IGSF3: variants seen among roughly 807,000 people sequenced by gnomAD.
IGSF3 encodes immunoglobulin superfamily member 3, also known as glu-Trp-Ile EWI motif-containing protein 3.
In IGSF3, 23 loss-of-function variants were observed where a neutral mutation model predicts 114.4. The observed-to-expected ratio is 0.20, with a 90% confidence interval of 0.14 to 0.28. The LOEUF (loss-of-function observed/expected upper bound fraction) is 0.28. Ranked by LOEUF, IGSF3 falls within the 10% of genes least tolerant of loss-of-function variation. The probability of loss-of-function intolerance (pLI) is 1.00; values close to 1 mark genes in which losing one functional copy is unlikely to be tolerated. For synonymous variants in IGSF3, 571 were observed against 645.2 expected, an observed-to-expected ratio of 0.88 and a Z score of 1.74; for missense variants, 1,172 against 1,591.5, an observed-to-expected ratio of 0.74 and a Z score of 4.48.
Position 116,589,159 on chromosome 1 carries a change from A to G in IGSF3, c.2030-55T>C. On this transcript the variant is annotated intron_variant, in intron 7 of 10. Coordinates refer to ENST00000369486, the MANE Select transcript of IGSF3 (RefSeq NM_001007237.3). The surrounding 1 kb of genome is among the most constrained non-coding windows in gnomAD (Gnocchi z 5.7). Reference sequence around the variant, plus strand: ...CCACAGACTCCCAGAAACGTGGCCCATCCACCTCCAGGCTCTGAGCCAGGT... The same window carrying G: ...CCACAGACTCCCAGAAACGTGGCCCGTCCACCTCCAGGCTCTGAGCCAGGT... 6.6e-7 allele frequency: 1 copy of G among 1,522,694 alleles called. No homozygotes were observed. The highest frequency in any genetic ancestry group is 9.0e-7 in the Non-Finnish European group (1 of 1,113,644). The allele number at this position is 1,522,694 out of a possible 1,614,324, so 94.3% of individuals were successfully genotyped here. A position where few individuals can be genotyped will look rare whatever the true frequency, so the allele number is the denominator to read the frequency against.
chr1:116,652,155 C>CA (rs1648658476), intron 2 of IGSF3, among the ~76,000 whole-genome samples: 1 of 152,140 alleles, frequency 6.6e-6, no homozygotes, highest in South Asian at 2.1e-4. Context: ...CTCTATACAG[C>CA]ATATAAACAA....
chr1:116,603,522 T>C lies in IGSF3; in HGVS notation c.1624+102A>G, dbSNP rs1319915959. 8.7e-7 allele frequency: 1 copy of C among 1,150,906 alleles called. No individual in the cohort carries two copies. Among genetic ancestry groups the C allele is most frequent in the African/African-American group, 1.5e-5 (1 of 65,350 alleles). 71.3% of individuals were successfully genotyped at this position (1,150,906 alleles called of 1,614,324 possible). On this transcript the variant is annotated intron_variant, in intron 6 of 10. Transcript: ENST00000369486. This position sits in a 1 kb window ranked among gnomAD's most constrained non-coding sequence, Gnocchi z 7.1. The stretch of plus-strand genomic sequence containing the variant: ...AACTCTATAGGTAAAAGACTGGCCA[T>C]AGTTTCCTGCTAAAACTCTGACTGA...
Position 116,589,216 on chromosome 1 carries a change from A to G in IGSF3, c.2030-112T>C. ...CAGCACAGTTCCTGGGGGATTTAACACCGACTGGCTTCAGTGTGAGGAAGG... is the reference window on the plus strand; with the variant it reads ...CAGCACAGTTCCTGGGGGATTTAACGCCGACTGGCTTCAGTGTGAGGAAGG... On this transcript the variant is annotated intron_variant, in intron 7 of 10. Transcript: ENST00000369486. The surrounding 1 kb of genome is among the most constrained non-coding windows in gnomAD (Gnocchi z 5.7). 1 of 865,922 alleles carries G rather than the reference A, an allele frequency of 1.2e-6. No individual in the cohort carries two copies. Among genetic ancestry groups the G allele is most frequent in the Non-Finnish European group, 1.8e-6 (1 of 556,136 alleles). The allele number at this position is 865,922 out of a possible 1,614,324, so 53.6% of individuals were successfully genotyped here.
chr1:116,579,543 CA>C lies in IGSF3; in HGVS notation c.3182del (p.Val1061GlyfsTer36). On this transcript the variant is annotated frameshift_variant, in exon 10 of 11. Transcript: ENST00000369486. LOFTEE classifies it high-confidence loss of function. This position sits in a 1 kb window ranked among gnomAD's most constrained non-coding sequence, Gnocchi z 6.4. ...GRLRFQRLSP[V>X]LYRLTVLQAS... Reference sequence around the variant, plus strand: ...CCTGCAGCACTGTGAGCCGGTAGAGCACCGGGGAGAGCCTCTGGAAGCGAAG... The same window carrying C: ...CCTGCAGCACTGTGAGCCGGTAGAGCCCGGGGAGAGCCTCTGGAAGCGAAG... 6.2e-7 allele frequency: 1 copy of C among 1,614,166 alleles called. No homozygotes were observed. Among genetic ancestry groups the C allele is most frequent in the East Asian group, 2.2e-5 (1 of 44,880 alleles).
At position 116,614,986 on chromosome 1, in the gene IGSF3, T is replaced by C. The variant is rs1357519086; in HGVS notation, c.422-811A>G. Among the ~76,000 whole-genome samples the C allele has an allele frequency of 6.6e-6, 1 of 152,138 alleles. No individual in the cohort carries two copies. The highest frequency in any genetic ancestry group is 1.5e-5 in the Non-Finnish European group (1 of 68,022). ...GGCTTGGGTCTTACGGGTCTCCTGC[T>C]GGGAACGGCCAAGTGCGGTGGCTCA... is the stretch of plus-strand genomic sequence containing the variant. On this transcript the variant is annotated intron_variant, in intron 3 of 10. Transcript: ENST00000369486. This position sits in a 1 kb window ranked among gnomAD's most constrained non-coding sequence, Gnocchi z 4.5.
rs1208517286 is a variant in IGSF3, at chr1:116,613,835, A to G, written c.762T>C (p.Asp254=). 2 of 1,613,800 alleles carry G rather than the reference A, an allele frequency of 1.2e-6. No homozygotes were observed. The highest frequency in any genetic ancestry group is 1.7e-6 in the Non-Finnish European group (2 of 1,179,864). ...FYCEAAEWIQ[D]PDGSWYAMTR... The stretch of plus-strand genomic sequence containing the variant: ...TCATAGCATACCACGACCCATCCGG[A>G]TCCTGGATCCACTCGGCGGCCTCGC... Residue 254 remains aspartate, a synonymous_variant, in exon 4 of 11, where the codon GAT becomes GAC. Coordinates refer to ENST00000369486, the MANE Select transcript of IGSF3 (RefSeq NM_001007237.3).
rs1446475950 is a variant in IGSF3, at chr1:116,603,891, T to C, written c.1357A>G (p.Arg453Gly). 5 of 1,614,084 alleles carry C rather than the reference T, an allele frequency of 3.1e-6. No individual in the cohort carries two copies. The highest frequency in any genetic ancestry group is 4.2e-6 in the Non-Finnish European group (5 of 1,179,964). ...ATGATATTGCTGCGGCGGTTCTGCC[T>C]GTCCACAAGCTGCCAGATGACAGAG... ...RFSVIWQLVD[R>G]QNRRSNIMWL... The change falls in exon 6 of 11, where the codon AGG becomes GGG. Residue 453 changes from arginine to glycine, a missense_variant. Arg to Gly is a moderately radical substitution (Grantham distance 125, BLOSUM62 -2). Around this residue, in one of 3 missense-constraint regions of IGSF3, gnomAD observed 736 missense variants for 1,042.0 expected, o/e 0.71. Coordinates refer to ENST00000369486, the MANE Select transcript of IGSF3 (RefSeq NM_001007237.3). The surrounding 1 kb of genome is among the most constrained non-coding windows in gnomAD (Gnocchi z 7.1).
At chr1:116,609,725 C>G (rs771514980) in intron 4 of IGSF3, among the ~76,000 whole-genome samples, 3 of 152,080 alleles carry the variant, frequency 2.0e-5, no homozygotes, top group Non-Finnish European at 4.4e-5. Context: ...ACTGGCATGT[C>G]TAGCCTTTCC....
rs1053555216 is a variant in IGSF3, at chr1:116,576,628, G to T, written c.*684C>A. 9.2e-5 allele frequency: 14 copies of T among 152,670 alleles called. No individual in the cohort carries two copies. Among genetic ancestry groups the T allele is most frequent in the African/African-American group, 3.4e-4 (14 of 41,446 alleles). 9.5% of individuals were successfully genotyped at this position (152,670 alleles called of 1,614,324 possible). A position where few individuals can be genotyped will look rare whatever the true frequency, so the allele number is the denominator to read the frequency against. On this transcript the variant is annotated 3_prime_UTR_variant, in exon 11 of 11. Coordinates refer to ENST00000369486, the MANE Select transcript of IGSF3 (RefSeq NM_001007237.3). The surrounding 1 kb of genome is among the most constrained non-coding windows in gnomAD (Gnocchi z 4.6). Reference sequence around the variant, plus strand: ...CCGGGCACCATCTACTCCTAATGGGGTTATGCAGGATTTCTCTTGTACATA... The same window carrying T: ...CCGGGCACCATCTACTCCTAATGGGTTTATGCAGGATTTCTCTTGTACATA...
intron 1 of IGSF3, among the ~76,000 whole-genome samples, chr1:116,667,243 C>T (rs1266696775): frequency 6.6e-6 from 1 of 152,218 alleles, no homozygotes; most frequent in African/African-American, 2.4e-5. Flanking sequence ...GGTAGCCCCA[C>T]CCTCCGCCAG....
chr1:116,631,671 TTGA>T (rs1156635949), intron 2 of IGSF3, among the ~76,000 whole-genome samples: 1 of 152,174 alleles, frequency 6.6e-6, no homozygotes, highest in Non-Finnish European at 1.5e-5. Context: ...TGGGGAGAAG[TTGA>T]TGAGGTCATC....
chr1:116,609,658 A>C (rs188580747), intron 4 of IGSF3, among the ~76,000 whole-genome samples: 40 of 152,186 alleles, frequency 2.6e-4, no homozygotes, highest in African/African-American at 9.2e-4. Flanking sequence ...ATCCCATGGC[A>C]GAGACGTTTG....
At chr1:116,602,973 C>T (rs1660656429) in intron 6 of IGSF3, among the ~76,000 whole-genome samples, 1 of 152,206 alleles carries the variant, frequency 6.6e-6, no homozygotes, top group Admixed American at 6.5e-5. Flanking sequence ...TGGGCCCCGT[C>T]AGGTAGTAGA....
chr1:116,635,955 C>T (rs1292268473), intron 2 of IGSF3, among the ~76,000 whole-genome samples: 1 of 152,238 alleles, frequency 6.6e-6, no homozygotes, highest in Non-Finnish European at 1.5e-5. Context: ...CTTAACTCAT[C>T]TTTGTGTGTC....
chr1:116,616,258 A>G lies in IGSF3; in HGVS notation c.243T>C (p.Tyr81=), dbSNP rs1362348126. 6.2e-7 allele frequency: 1 copy of G among 1,612,030 alleles called. No homozygotes were observed. Among genetic ancestry groups the G allele is most frequent in the Non-Finnish European group, 8.5e-7 (1 of 1,179,494 alleles). ...IVSTMDSSFP[Y]AIYTQRVRGG... is the part of the protein sequence containing the mutation. ...CGCGGACGCGCTGGGTGTAGATGGCATAGGGGAAGGAAGAGTCCATGGTGC... is the reference window on the plus strand; with the variant it reads ...CGCGGACGCGCTGGGTGTAGATGGCGTAGGGGAAGGAAGAGTCCATGGTGC... The change falls in exon 3 of 11, where the codon TAT becomes TAC. Residue 81 remains tyrosine, a synonymous_variant. Coordinates refer to ENST00000369486, the MANE Select transcript of IGSF3 (RefSeq NM_001007237.3). This position sits in a 1 kb window ranked among gnomAD's most constrained non-coding sequence, Gnocchi z 6.6.
At position 116,638,265 on chromosome 1, in the gene IGSF3, C is replaced by G. The variant is rs4044753; in HGVS notation, c.44-21808G>C. 2.0e-5 allele frequency among the ~76,000 whole-genome samples: 3 copies of G among 152,216 alleles called. No homozygotes were observed. The highest frequency in any genetic ancestry group is 7.2e-5 in the African/African-American group (3 of 41,446). On this transcript the variant is annotated intron_variant, in intron 2 of 10. Transcript: ENST00000369486. The surrounding 1 kb of genome is among the most constrained non-coding windows in gnomAD (Gnocchi z 4.1). Reference sequence around the variant, plus strand: ...TCTCTCCCTAGTCTCTCCTGTGTCACTGCCACTTGTCAACTGCCTAATCCA... The same window carrying G: ...TCTCTCCCTAGTCTCTCCTGTGTCAGTGCCACTTGTCAACTGCCTAATCCA...
In IGSF3 at chr1:116,628,105, C is replaced by G. The variant is rs2336276; in HGVS notation, c.44-11648G>C. On this transcript the variant is annotated intron_variant, in intron 2 of 10. Transcript: ENST00000369486. This position sits in a 1 kb window ranked among gnomAD's most constrained non-coding sequence, Gnocchi z 4.2. ...CCAATAACTAGCTCCAGTGTGTGGGCAGAAGTGGAGAGGATGGAGAAAGGA... is the reference window on the plus strand; with the variant it reads ...CCAATAACTAGCTCCAGTGTGTGGGGAGAAGTGGAGAGGATGGAGAAAGGA... Among the ~76,000 whole-genome samples, 2 of 152,268 alleles carry G rather than the reference C, an allele frequency of 1.3e-5. No homozygotes were observed. The highest frequency in any genetic ancestry group is 3.9e-4 in the East Asian group (2 of 5,182).
chr1:116,579,756 C>T lies in IGSF3; in HGVS notation c.2970G>A (p.Trp990Ter). 6.2e-7 allele frequency: 1 copy of T among 1,610,590 alleles called. No homozygotes were observed. The highest frequency in any genetic ancestry group is 8.5e-7 in the Non-Finnish European group (1 of 1,177,802). Reference sequence around the variant, plus strand: ...CCCCAGCTTTAGTCCTCAGGGAATACCAGGCCACAGCGAAGCGGGAGTCCT... The same window carrying T: ...CCCCAGCTTTAGTCCTCAGGGAATATCAGGCCACAGCGAAGCGGGAGTCCT... ...SSQDSRFAVA[W>*]YSLRTKAGGK... The change falls in exon 10 of 11, where the codon TGG becomes TGA. Residue 990 changes from tryptophan to a stop codon, truncating the protein, a stop_gained. Transcript: ENST00000369486. LOFTEE classifies it high-confidence loss of function. The surrounding 1 kb of genome is among the most constrained non-coding windows in gnomAD (Gnocchi z 6.4).
At chr1:116,643,077 G>A (rs933348875) in intron 2 of IGSF3, among the ~76,000 whole-genome samples, 3 of 152,220 alleles carry the variant, frequency 2.0e-5, no homozygotes, top group Admixed American at 6.5e-5. Context: ...GGCGCAGGGG[G>A]ATGGGGGAGA....
Sources: gnomAD v4.1 joint callset for allele counts (sites outside exome capture counted in the v4.1 genomes callset) on GRCh38, gnomAD v4.1.1 for gene constraint, gnomAD v4.1.1 regional missense constraint, Gnocchi (gnomAD v3.1) non-coding constraint, MANE v1.5 for transcripts, NCBI Gene and HGNC (gene_info 2026-07-23, HGNC 2026-07-21) for gene names.